ANK3: variants seen among roughly 807,000 people sequenced by gnomAD.
ANK3 encodes the protein ankyrin 3.
Under a neutral mutation model 370.9 loss-of-function variants are expected in ANK3, and 57 were observed. The observed-to-expected ratio is 0.15, with a 90% CI of 0.12 to 0.19. ANK3 has a LOEUF of 0.19. ANK3 is among the 10% of genes least tolerant of loss of function. The probability of loss-of-function intolerance (pLI) is 1.00; values close to 1 mark genes in which losing one functional copy is unlikely to be tolerated. For missense variants in ANK3, 4,439 were observed against 5,302.1 expected (o/e 0.84, Z 5.06); for synonymous variants, 1,929 against 1,946.3 (o/e 0.99, Z 0.23).
intron 1 of ANK3, among the ~76,000 whole-genome samples, chr10:60,689,754 C>CAAAAA (rs10676088): frequency 8.3e-5 from 9 of 108,290 alleles, no homozygotes; most frequent in African/African-American, 3.1e-4. Context: ...GACTTCATCT[C>CAAAAA]AAAAAAAAAA....
chr10:60,232,546 T>G (rs796432184), intron 8 of ANK3, among the ~76,000 whole-genome samples: 17 of 152,294 alleles, frequency 1.1e-4, no homozygotes, highest in African/African-American at 4.1e-4. Context: ...GCAAAATCAG[T>G]TCAGTAAGAC....
At chr10:60,272,474 G>T (rs1373158475) in intron 4 of ANK3, among the ~76,000 whole-genome samples, 1 of 66,498 alleles carries the variant, frequency 1.5e-5, no homozygotes, top group Admixed American at 1.4e-4. Context: ...TGTTGTTGTT[G>T]TTCTTGTTTG....
rs369303811 is a variant in ANK3, at chr10:60,431,595, A to G, written c.97-151956T>C. Among the ~76,000 whole-genome samples the G allele has an allele frequency of 2.8e-4, 43 of 152,254 alleles. No homozygotes were observed. In the South Asian group the frequency reaches 8.7e-3, roughly 31 times the overall value. On this transcript the variant is annotated intron_variant, in intron 2 of 43. Transcript: ENST00000373827. ...TTACTCTCATAAGTGGGAGTTGGAC[A>G]ATGAGAACACGAGGACACAGGGAGG...
In ANK3 at chr10:60,235,550, GTTTTTTTTTTT is replaced by G. The variant is rs72388493; in HGVS notation, c.799-775_799-765del. On this transcript the variant is annotated intron_variant, in intron 7 of 43. Coordinates refer to ENST00000280772, the MANE Select transcript of ANK3 (RefSeq NM_020987.5). ...ATCAAAAACAATTCCCTGATTTCTT[GTTTTTTTTTTT>G]TTTTTTTTTTTTTTTCTTTTTAAGT... Among the ~76,000 whole-genome samples the G allele has an allele frequency of 4.5e-3, 516 of 115,074 alleles. 4 individuals are homozygous for G. Among genetic ancestry groups the G allele is most frequent in the African/African-American group, 0.016 (475 of 30,006 alleles). 75.5% of individuals were successfully genotyped at this position (115,074 alleles called of 152,430 possible). A position where few individuals can be genotyped will look rare whatever the true frequency, so the allele number is the denominator to read the frequency against.
At chr10:60,571,499 T>C (rs2077598951) in intron 2 of ANK3, among the ~76,000 whole-genome samples, 1 of 152,220 alleles carries the variant, frequency 6.6e-6, no homozygotes. Flanking sequence ...AGGAAGCATT[T>C]TAAAGAGGTA....
chr10:60,032,240 C>T (rs762325655), intron 43 of ANK3, among the ~76,000 whole-genome samples: 9 of 99,566 alleles, frequency 9.0e-5, no homozygotes, highest in South Asian at 3.4e-4. Flanking sequence ...CTCACTCTGT[C>T]GCCCAGGCTG....
intron 2 of ANK3, among the ~76,000 whole-genome samples, chr10:60,571,841 TC>T (rs1210893068): frequency 6.6e-6 from 1 of 152,172 alleles, no homozygotes; most frequent in African/African-American, 2.4e-5. Flanking sequence ...TTTACCATAA[TC>T]ATCTATTAAT....
At chr10:60,718,498 C>CT (rs1214433550) in intron 1 of ANK3, among the ~76,000 whole-genome samples, 4 of 151,654 alleles carry the variant, frequency 2.6e-5, no homozygotes, top group Non-Finnish European at 4.4e-5. Context: ...GAGGACAGGG[C>CT]TACTTAATTT....
chr10:60,118,974 A>T (rs991179173), intron 25 of ANK3, among the ~76,000 whole-genome samples: 1 of 152,218 alleles, frequency 6.6e-6, no homozygotes, highest in Non-Finnish European at 1.5e-5. Context: ...TTAGTCTTGC[A>T]ACTCTGCCAC....
intron 2 of ANK3, among the ~76,000 whole-genome samples, chr10:60,582,236 G>A (rs1470200142): frequency 1.3e-5 from 2 of 151,856 alleles, no homozygotes; most frequent in Admixed American, 6.6e-5. Context: ...AAACCTTCAT[G>A]TTCTGCACAT....
At chr10:60,549,983 A>G (rs1266204552) in intron 2 of ANK3, among the ~76,000 whole-genome samples, 1 of 152,152 alleles carries the variant, frequency 6.6e-6, no homozygotes, top group Non-Finnish European at 1.5e-5. Context: ...CTTCAAAGAA[A>G]TAAGCAAGAG....
chr10:60,142,809 G>A (rs995129343), intron 23 of ANK3, among the ~76,000 whole-genome samples: 9 of 152,074 alleles, frequency 5.9e-5, no homozygotes, highest in Non-Finnish European at 1.2e-4. Context: ...AAAAGACATG[G>A]AATTTAGAAA....
At chr10:60,644,152 TAATGAATGTA>T (rs1564474857) in intron 1 of ANK3, among the ~76,000 whole-genome samples, 1 of 152,058 alleles carries the variant, frequency 6.6e-6, no homozygotes, top group Admixed American at 6.6e-5. Flanking sequence ...GAGAAGAGAG[TAATGAATGTA>T]AGATGACTTC....
intron 28 of ANK3, among the ~76,000 whole-genome samples, chr10:60,105,021 C>T (rs938228982): frequency 1.3e-5 from 2 of 152,120 alleles, no homozygotes; most frequent in African/African-American, 2.4e-5. Flanking sequence ...GGAGACTATG[C>T]TGAGTGCATT....
At chr10:60,714,516 A>T (rs906407756) in intron 1 of ANK3, among the ~76,000 whole-genome samples, 1 of 152,256 alleles carries the variant, frequency 6.6e-6, no homozygotes, top group Non-Finnish European at 1.5e-5. Flanking sequence ...AGTAATGTAT[A>T]AAAATAATCG....
rs370989295 is a variant in ANK3 at position 60,073,319 on chromosome 10, T to C, written c.7562A>G (p.Asp2521Gly). ...TTTACCTACACCATTTTCAGAAACA[T>C]CTTTATAGATTTTGGAGAGAATTTC... ...KKEILSKIYK[D>G]VSENGVGKVS... The change falls in exon 37 of 44, where the codon GAT becomes GGT. Residue 2521 changes from aspartate (D) to glycine (G), a missense_variant. Around this residue, in one of 13 missense-constraint regions of ANK3, gnomAD observed 1,601 missense variants for 1,731.7 expected, o/e 0.92. Coordinates refer to ENST00000280772, the MANE Select transcript of ANK3 (RefSeq NM_020987.5). 1.9e-6 allele frequency: 3 copies of C among 1,614,058 alleles called. No homozygotes were observed. The highest frequency in any genetic ancestry group is 2.5e-6 in the Non-Finnish European group (3 of 1,180,016).
chr10:60,382,316 T>A (rs971111564), intron 1 of ANK3, among the ~76,000 whole-genome samples: 10 of 152,254 alleles, frequency 6.6e-5, no homozygotes, highest in African/African-American at 2.4e-4. Context: ...GTAAGCTATA[T>A]CCAGCAGATA....
At chr10:60,034,023 GGAGTCTTT>G (rs1420124753) in intron 43 of ANK3, among the ~76,000 whole-genome samples, 2 of 149,484 alleles carry the variant, frequency 1.3e-5, no homozygotes, top group East Asian at 3.9e-4. Context: ...GCATTACACA[GGAGTCTTT>G]GAGTATAGAT....
rs530117871 is a variant in ANK3, at chr10:60,211,023, C to T, written c.996+2389G>A. Among the ~76,000 whole-genome samples the T allele has an allele frequency of 7.2e-5, 11 of 152,158 alleles. No individual in the cohort carries two copies. In the South Asian group the frequency reaches 1.3e-3, roughly 17 times the overall value. On this transcript the variant is annotated intron_variant, in intron 9 of 43. Transcript: ENST00000280772. ...AGATGTACACAACCAGCTCATGAGCCGATACAATCAGGATCCAGCACACTG... is the reference window on the plus strand; with the variant it reads ...AGATGTACACAACCAGCTCATGAGCTGATACAATCAGGATCCAGCACACTG...
Sources: gnomAD v4.1 joint callset for allele counts (sites outside exome capture counted in the v4.1 genomes callset) on GRCh38, gnomAD v4.1.1 for gene constraint, gnomAD v4.1.1 regional missense constraint, MANE v1.5 for transcripts, NCBI Gene and HGNC (gene_info 2026-07-23, HGNC 2026-07-21) for gene names.